OSBPL6: variants seen among roughly 807,000 people sequenced by gnomAD.
OSBPL6 encodes the protein oxysterol binding protein like 6, also known as oxysterol-binding protein-related protein 6.
A neutral mutation model predicts 125.8 loss-of-function variants in OSBPL6; 49 were observed. The ratio of observed to expected loss-of-function variants is 0.39; its 90% CI spans 0.31 to 0.49. OSBPL6 has a LOEUF of 0.49. Among genes scored for constraint, OSBPL6 ranks in the 20% least tolerant of loss-of-function variants. The pLI, the probability that OSBPL6 is intolerant of heterozygous loss-of-function variation, is 0.88. For synonymous variants in OSBPL6, 394 were observed against 391.8 expected (o/e 1.01, Z -0.07); for missense variants, 986 against 1,135.4 (o/e 0.87, Z 1.89).
intron 3 of OSBPL6, among the ~76,000 whole-genome samples, chr2:178,321,603 A>G (rs1240052464): frequency 6.6e-6 from 1 of 152,172 alleles, no homozygotes; most frequent in East Asian, 1.9e-4. Flanking sequence ...GTGAGTTTCT[A>G]CAAGAGCTGT....
chr2:178,350,163 G>T (rs1368811734), intron 12 of OSBPL6, among the ~76,000 whole-genome samples: 2 of 152,168 alleles, frequency 1.3e-5, no homozygotes, highest in Non-Finnish European at 2.9e-5. Context: ...AGTGAGGCTT[G>T]TTGTATAAAT....
intron 15 of OSBPL6, among the ~76,000 whole-genome samples, chr2:178,379,232 AAAG>A (rs1459202776): frequency 6.6e-6 from 1 of 150,690 alleles, no homozygotes; most frequent in Admixed American, 6.6e-5. Context: ...GGGAAAGAAG[AAAG>A]AAAGAGAGAG....
chr2:178,317,040 G>C (rs1251536789), intron 3 of OSBPL6, among the ~76,000 whole-genome samples: 1 of 151,836 alleles, frequency 6.6e-6, no homozygotes, highest in Non-Finnish European at 1.5e-5. Context: ...GTTTATTGCT[G>C]GTTATGGGTG....
chr2:178,368,938 G>A (rs546407148), intron 13 of OSBPL6, among the ~76,000 whole-genome samples: 50 of 151,886 alleles, frequency 3.3e-4, no homozygotes, highest in African/African-American at 1.2e-3. Context: ...CTGGGACTAT[G>A]GGCGTGTGCC....
chr2:178,246,438 T>G (rs1016016837), intron 1 of OSBPL6, among the ~76,000 whole-genome samples: 1 of 152,124 alleles, frequency 6.6e-6, no homozygotes, highest in South Asian at 2.1e-4. Flanking sequence ...TCCTACTCCT[T>G]CAGCATTGAA....
intron 4 of OSBPL6, among the ~76,000 whole-genome samples, chr2:178,327,576 C>A (rs1193733638): frequency 3.3e-5 from 5 of 152,158 alleles, no homozygotes; most frequent in African/African-American, 1.2e-4. Flanking sequence ...TAAGAGCCTA[C>A]TAGTTTCTCC....
At chr2:178,312,424 C>T (rs1687370862) in intron 3 of OSBPL6, among the ~76,000 whole-genome samples, 1 of 151,152 alleles carries the variant, frequency 6.6e-6, no homozygotes, top group South Asian at 2.1e-4. Context: ...TCCCAAAGTG[C>T]TGGAATTACA....
intron 1 of OSBPL6, among the ~76,000 whole-genome samples, chr2:178,263,806 CG>C (rs2092140691): frequency 6.8e-6 from 1 of 147,810 alleles, no homozygotes; most frequent in Non-Finnish European, 1.5e-5. Flanking sequence ...ACTGTGTACA[CG>C]TGTGTGTGTG....
At position 178,290,994 on chromosome 2, in the gene OSBPL6, C is replaced by G. The variant is rs189360299; in HGVS notation, c.-156+5873C>G. 2.0e-5 allele frequency among the ~76,000 whole-genome samples: 3 copies of G among 152,060 alleles called. No homozygotes were observed. The East Asian group carries it at 5.8e-4, about 29-fold the overall frequency. Reference sequence around the variant, plus strand: ...AGCATTATAAATGTATTTACTTTATCCTTTGGGCACACAAAATAGTTTCAA... The same window carrying G: ...AGCATTATAAATGTATTTACTTTATGCTTTGGGCACACAAAATAGTTTCAA... On this transcript the variant is annotated intron_variant, in intron 2 of 24. Transcript: ENST00000190611.
In OSBPL6 at chr2:178,333,057, A is replaced by AT; in HGVS notation, c.657+17dup. 6.2e-7 allele frequency: 1 copy of AT among 1,611,238 alleles called. No individual in the cohort carries two copies. Among genetic ancestry groups the AT allele is most frequent in the Non-Finnish European group, 8.5e-7 (1 of 1,178,550 alleles). On this transcript the variant is annotated intron_variant, in intron 8 of 24. Coordinates refer to ENST00000190611, the MANE Select transcript of OSBPL6 (RefSeq NM_032523.4). ...GGATGGAAAGGTATGACTTTGTTCT[A>AT]TAAAAACCAGCCTGAAAATTGCTTA...
intron 1 of OSBPL6, among the ~76,000 whole-genome samples, chr2:178,202,619 C>T (rs2089313790): frequency 1.3e-5 from 2 of 152,130 alleles, no homozygotes; most frequent in Admixed American, 6.5e-5. Context: ...GTCAGGAGTA[C>T]GAGACCAGCC....
chr2:178,319,884 T>TA (rs1399105521), intron 3 of OSBPL6, among the ~76,000 whole-genome samples: 2 of 152,232 alleles, frequency 1.3e-5, no homozygotes, highest in Admixed American at 1.3e-4. Context: ...TCTGTGAATA[T>TA]AAAAATAGCT....
rs570546750 is a variant in OSBPL6, at chr2:178,287,300, C to T, written c.-156+2179C>T. The stretch of plus-strand genomic sequence containing the variant: ...ATCCATTTCTCCCCCCTAGATACAT[C>T]AGACACATTGTAAATCTCTTCTTGA... On this transcript the variant is annotated intron_variant, in intron 2 of 24. Transcript: ENST00000190611. Among the ~76,000 whole-genome samples the T allele has an allele frequency of 1.2e-3, 177 of 152,240 alleles. 1 individual carries two copies. Among genetic ancestry groups the T allele is most frequent in the African/African-American group, 4.2e-3 (175 of 41,548 alleles).
intron 15 of OSBPL6, among the ~76,000 whole-genome samples, chr2:178,375,661 G>C (rs943642677): frequency 6.6e-6 from 1 of 152,046 alleles, no homozygotes; most frequent in Non-Finnish European, 1.5e-5. Flanking sequence ...GACCTCAGGT[G>C]ATCCGCCTGC....
chr2:178,218,505 A>G (rs1390991332), intron 1 of OSBPL6, among the ~76,000 whole-genome samples: 1 of 151,960 alleles, frequency 6.6e-6, no homozygotes, highest in African/African-American at 2.4e-5. Flanking sequence ...TGGGTTGGTA[A>G]TGGAAATGGC....
At chr2:178,199,466 G>C (rs1383594168) in intron 1 of OSBPL6, among the ~76,000 whole-genome samples, 1 of 152,046 alleles carries the variant, frequency 6.6e-6, no homozygotes, top group Non-Finnish European at 1.5e-5. Context: ...TATTGCTTAG[G>C]TTTGGGGCCA....
intron 1 of OSBPL6, among the ~76,000 whole-genome samples, chr2:178,217,533 A>G (rs2090141745): frequency 6.6e-6 from 1 of 152,166 alleles, no homozygotes; most frequent in Non-Finnish European, 1.5e-5. Flanking sequence ...AGAGAAAGAG[A>G]AACAGCTCTC....
At chr2:178,254,087 G>A (rs1192145844) in intron 1 of OSBPL6, among the ~76,000 whole-genome samples, 1 of 152,102 alleles carries the variant, frequency 6.6e-6, no homozygotes, top group South Asian at 2.1e-4. Flanking sequence ...CTCAGTCTCT[G>A]TAAATGTAAG....
chr2:178,251,717 G>A (rs2091702284), intron 1 of OSBPL6, among the ~76,000 whole-genome samples: 1 of 152,144 alleles, frequency 6.6e-6, no homozygotes, highest in African/African-American at 2.4e-5. Context: ...GTACTATGTT[G>A]ATTTAAATTC....
Sources: gnomAD v4.1 joint callset for allele counts (sites outside exome capture counted in the v4.1 genomes callset) on GRCh38, gnomAD v4.1.1 for gene constraint, MANE v1.5 for transcripts, NCBI Gene and HGNC (gene_info 2026-07-23, HGNC 2026-07-21) for gene names.